Variants in COL4A1 observed in about 807,000 individuals in gnomAD.
The protein encoded by COL4A1 is collagen alpha-1(IV) chain.
COL4A1 carries 40 observed loss-of-function variants against 216.6 expected under a neutral mutation model. That is an observed-to-expected ratio of 0.18 (90% CI 0.14 to 0.24). The LOEUF is 0.24. COL4A1 is among the 10% of genes least tolerant of loss of function. The probability of loss-of-function intolerance (pLI) is 1.00; values close to 1 mark genes in which losing one functional copy is unlikely to be tolerated. For missense variants in COL4A1, 1,628 were observed against 2,196.8 expected, an observed-to-expected ratio of 0.74 and a Z score of 5.18; for synonymous variants, 839 against 810.7, an observed-to-expected ratio of 1.03 and a Z score of -0.59.
rs565395841 is a variant in COL4A1 at position 110,181,337 on chromosome 13, C to T, written c.2148G>A (p.Pro716=). The T allele has an allele frequency of 1.5e-5, 25 of 1,613,840 alleles. No homozygotes were observed. In the East Asian group the frequency reaches 2.2e-4, roughly 14 times the overall value. The change falls in exon 29 of 52, where the codon CCG becomes CCA. Residue 716 remains proline, a synonymous_variant. Transcript: ENST00000375820. The part of the protein sequence containing the change: ...DMGPPGTPGR[P]GFNGLPGNPG... The stretch of plus-strand genomic sequence containing the variant: ...GGTTCCCAGGTAAGCCATTAAATCC[C>T]GGGCGACCTGGAGTCCCCGGTGGCC...
rs943734573 is a variant in COL4A1, at chr13:110,222,772, TA to T, written c.145-8758del. On this transcript the variant is annotated intron_variant, in intron 2 of 51. Transcript: ENST00000375820. ...TGGGCGACAGAGCCAGACTCTGCTT[TA>T]AAAAAAAAAAAAAAAAAAAAAAAAA... 1.7e-4 allele frequency among the ~76,000 whole-genome samples: 16 copies of T among 92,070 alleles called. 1 individual carries two copies. Among genetic ancestry groups the T allele is most frequent in the African/African-American group, 6.4e-4 (15 of 23,526 alleles). The allele number at this position is 92,070 out of a possible 152,430, so 60.4% of individuals were successfully genotyped here.
intron 1 of COL4A1, among the ~76,000 whole-genome samples, chr13:110,293,509 A>G (rs9559762): frequency 0.98 from 148,923 of 152,326 alleles, 72,876 homozygotes; most frequent in East Asian, 1. Flanking sequence ...TATCTTCTAG[A>G]AGTTACTGCC....
intron 27 of COL4A1, 27 bp downstream of exon 27, chr13:110,183,157 C>A (rs768743098): frequency 1.9e-6 from 3 of 1,613,156 alleles, no homozygotes; most frequent in Non-Finnish European, 2.5e-6. Flanking sequence ...CTCGTGGTAT[C>A]CCGGTGAGCT....
chr13:110,283,135 T>C (rs1247618747), intron 1 of COL4A1, among the ~76,000 whole-genome samples: 1 of 152,228 alleles, frequency 6.6e-6, no homozygotes, highest in Non-Finnish European at 1.5e-5. Context: ...GTTTGAAGGA[T>C]GTTCAGTTCT....
rs760628830 is a variant in COL4A1, at chr13:110,186,382, C to T, written c.1897+3G>A. The T allele has an allele frequency of 4.3e-6, 7 of 1,613,042 alleles. No individual in the cohort carries two copies. The highest frequency in any genetic ancestry group is 1.3e-5 in the African/African-American group (1 of 75,044). ...GCTGCATCACGAGTTTCTCAGGCCTCACCTGGCAGGCCTGGGGATCCAGGG... is the reference window on the plus strand; with the variant it reads ...GCTGCATCACGAGTTTCTCAGGCCTTACCTGGCAGGCCTGGGGATCCAGGG... On this transcript the variant is annotated splice_donor_region_variant and intron_variant, in intron 26 of 51. Transcript: ENST00000375820.
chr13:110,247,023 C>A (rs1337048145), intron 1 of COL4A1, among the ~76,000 whole-genome samples: 1 of 152,148 alleles, frequency 6.6e-6, no homozygotes, highest in Non-Finnish European at 1.5e-5. Context: ...TGGACAACAG[C>A]AACACAGGTA....
chr13:110,307,121 G>C lies in COL4A1; in HGVS notation c.-94C>G, dbSNP rs1422387986. The C allele has an allele frequency of 9.8e-7, 1 of 1,019,680 alleles. No homozygotes were observed. The highest frequency in any genetic ancestry group is 1.3e-6 in the Non-Finnish European group (1 of 755,756). 63.2% of individuals were successfully genotyped at this position (1,019,680 alleles called of 1,614,324 possible). A position where few individuals can be genotyped will look rare whatever the true frequency, so the allele number is the denominator to read the frequency against. ...CGGAAGGCCGGACTTCCAGCGCTACGCACCGTCCCGGGTGCGGCGGCTCCA... is the reference window on the plus strand; with the variant it reads ...CGGAAGGCCGGACTTCCAGCGCTACCCACCGTCCCGGGTGCGGCGGCTCCA... On this transcript the variant is annotated 5_prime_UTR_variant, in exon 1 of 52. Transcript: ENST00000375820. The surrounding 1 kb of genome is among the most constrained non-coding windows in gnomAD (Gnocchi z 5.0).
chr13:110,193,560 G>A (rs1566363626), intron 22 of COL4A1, among the ~76,000 whole-genome samples: 1 of 152,212 alleles, frequency 6.6e-6, no homozygotes. Flanking sequence ...CTGGTTTCTA[G>A]GCACAAATCA....
At chr13:110,179,161 A>G (rs946204938) in intron 30 of COL4A1, 110 bp downstream of exon 30, 8 of 1,565,270 alleles carry the variant, frequency 5.1e-6, no homozygotes, top group Non-Finnish European at 7.0e-6. Flanking sequence ...TAAGATTTGC[A>G]TCGTTCGTTC....
At chr13:110,270,793 T>A (rs1201302592) in intron 1 of COL4A1, among the ~76,000 whole-genome samples, 1 of 152,076 alleles carries the variant, frequency 6.6e-6, no homozygotes, top group African/African-American at 2.4e-5. Context: ...CTTAGTTAGG[T>A]CTAGAAGCAA....
chr13:110,203,154 A>G (rs1879324053), intron 18 of COL4A1, among the ~76,000 whole-genome samples: 2 of 152,152 alleles, frequency 1.3e-5, no homozygotes, highest in Non-Finnish European at 2.9e-5. Context: ...CAGAGGTTGC[A>G]GTGAGCCAAG....
chr13:110,155,896 G>C (rs1477205813), intron 49 of COL4A1, among the ~76,000 whole-genome samples: 1 of 152,070 alleles, frequency 6.6e-6, no homozygotes, highest in African/African-American at 2.4e-5. Context: ...TGGGCAACAA[G>C]AGTGAAACTC....
intron 41 of COL4A1, among the ~76,000 whole-genome samples, chr13:110,170,948 A>G (rs1274401113): frequency 1.3e-5 from 2 of 152,222 alleles, no homozygotes; most frequent in Non-Finnish European, 2.9e-5. Flanking sequence ...CTGGAAAAAG[A>G]GCTCAGAATG....
At chr13:110,204,060 C>T (rs1879373058) in intron 17 of COL4A1, among the ~76,000 whole-genome samples, 1 of 152,134 alleles carries the variant, frequency 6.6e-6, no homozygotes, top group Non-Finnish European at 1.5e-5. Flanking sequence ...CTCAAATTTG[C>T]ATTGGAGGTC....
chr13:110,229,761 C>T (rs934126242), intron 2 of COL4A1, among the ~76,000 whole-genome samples: 34 of 152,312 alleles, frequency 2.2e-4, no homozygotes, highest in Admixed American at 1.0e-3. Flanking sequence ...GCCTCCAGCA[C>T]GGGAGGAACA....
chr13:110,168,758 G>A (rs1877461019), intron 43 of COL4A1, among the ~76,000 whole-genome samples: 1 of 152,182 alleles, frequency 6.6e-6, no homozygotes, highest in Non-Finnish European at 1.5e-5. Flanking sequence ...CATAACTGCA[G>A]AGGTCTGTCT....
At chr13:110,233,612 T>G (rs571500426) in intron 2 of COL4A1, among the ~76,000 whole-genome samples, 1 of 152,274 alleles carries the variant, frequency 6.6e-6, no homozygotes, top group African/African-American at 2.4e-5. Flanking sequence ...CAACAAAAAC[T>G]CGCAGCGGTA....
rs1303600070 is a variant in COL4A1 at position 110,288,165 on chromosome 13, A to G, written c.84+18779T>C. Among the ~76,000 whole-genome samples, 3 of 151,702 alleles carry G rather than the reference A, an allele frequency of 2.0e-5. No individual in the cohort carries two copies. The East Asian group carries it at 5.8e-4, about 29-fold the overall frequency. ...TGTAATCCCAGTTACTCGGGAGGCT[A>G]AGGCAGGAGAATAACTTGAACACGG... is the stretch of plus-strand genomic sequence containing the variant. On this transcript the variant is annotated intron_variant, in intron 1 of 51. Transcript: ENST00000375820.
At chr13:110,205,203 G>T in intron 17 of COL4A1, 150 bp downstream of exon 17, 1 of 857,834 alleles carries the variant, frequency 1.2e-6, no homozygotes. Flanking sequence ...TGAACATAAA[G>T]GAAACCACTA....
Sources: gnomAD v4.1 joint callset for allele counts (sites outside exome capture counted in the v4.1 genomes callset) on GRCh38, gnomAD v4.1.1 for gene constraint, Gnocchi (gnomAD v3.1) non-coding constraint, MANE v1.5 for transcripts, NCBI Gene and HGNC (gene_info 2026-07-23, HGNC 2026-07-21) for gene names.